LMBRD2: variants seen among roughly 807,000 people sequenced by gnomAD.
The protein encoded by LMBRD2 is LMBR1 domain containing 2, also known as G protein-coupled receptor-associated protein LMBRD2.
In LMBRD2, 55 loss-of-function variants were observed where a neutral mutation model predicts 94.4. That is an observed-to-expected ratio of 0.58 (90% CI 0.47 to 0.73). The LOEUF (loss-of-function observed/expected upper bound fraction) is 0.73. Ranked by LOEUF, LMBRD2 falls within the 30% of genes least tolerant of loss-of-function variation. The pLI is 0.00. For synonymous variants in LMBRD2, 246 were observed against 272.4 expected (o/e 0.90, Z 0.95); for missense variants, 640 against 831.9 (o/e 0.77, Z 2.84).
Position 36,122,869 on chromosome 5 carries a change from A to G in LMBRD2, c.915T>C (p.Ser305=), listed in dbSNP as rs1477180996. ...EKHSIYPSEK[S]LVKLHKQVIY... is the part of the protein sequence containing the mutation. ...TTACCTGTTTATGCAGTTTTACCAGACTTTTTTCACTTGGATAGATACTAT... is the reference window on the plus strand; with the variant it reads ...TTACCTGTTTATGCAGTTTTACCAGGCTTTTTTCACTTGGATAGATACTAT... The change falls in exon 8 of 18, where the codon AGT becomes AGC. Residue 305 remains serine, a synonymous_variant. Transcript: ENST00000296603. The G allele has an allele frequency of 1.3e-6, 2 of 1,595,044 alleles. No homozygotes were observed. Among genetic ancestry groups the G allele is most frequent in the East Asian group, 4.6e-5 (2 of 43,954 alleles).
At chr5:36,115,185 C>T (rs1009139562) in intron 11 of LMBRD2, 65 bp from the exon 12 acceptor site, 12 of 905,704 alleles carry the variant, frequency 1.3e-5, no homozygotes, top group Non-Finnish European at 1.9e-5. Flanking sequence ...TTATAGTATA[C>T]TGAGATGTAT....
Position 36,122,471 on chromosome 5 carries a change from A to G in LMBRD2, c.937-8T>C. On this transcript the variant is annotated splice_region_variant and splice_polypyrimidine_tract_variant and intron_variant, in intron 8 of 17. Coordinates refer to ENST00000296603, the MANE Select transcript of LMBRD2 (RefSeq NM_001007527.2). Reference sequence around the variant, plus strand: ...CTGAACTGAATAAATCACCTAAAAAAGAGAATGGGGGTAGACCTGGCAGTG... The same window carrying G: ...CTGAACTGAATAAATCACCTAAAAAGGAGAATGGGGGTAGACCTGGCAGTG... The G allele has an allele frequency of 6.2e-7, 1 of 1,609,340 alleles. No homozygotes were observed. Among genetic ancestry groups the G allele is most frequent in the South Asian group, 1.1e-5 (1 of 90,168 alleles).
Position 36,143,064 on chromosome 5 carries a change from T to G in LMBRD2, c.174+112A>C. On this transcript the variant is annotated intron_variant, in intron 2 of 17. Coordinates refer to ENST00000296603, the MANE Select transcript of LMBRD2 (RefSeq NM_001007527.2). ...TTAATGATCAAATGGCCATATAATC[T>G]TTTAATTCAAAACTGACATAACTTA... The G allele has an allele frequency of 3.7e-6, 3 of 807,390 alleles. No individual in the cohort carries two copies. The South Asian group carries it at 5.8e-5, about 16-fold the overall frequency. The allele number at this position is 807,390 out of a possible 1,614,324, so 50.0% of individuals were successfully genotyped here.
intron 12 of LMBRD2, 121 bp from the exon 13 acceptor site, chr5:36,114,642 GA>G: frequency 3.3e-6 from 4 of 1,211,068 alleles, no homozygotes; most frequent in South Asian, 2.9e-5. Flanking sequence ...TTAAAAAGTA[GA>G]AAAAAAGCAG....
chr5:36,148,043 G>A, intron 1 of LMBRD2: 3 of 182,558 alleles, frequency 1.6e-5, no homozygotes, highest in Non-Finnish European at 3.9e-5. Context: ...ATAAAAACCA[G>A]GAGACAACTC....
At chr5:36,150,708 C>G (rs1177413446) in intron 1 of LMBRD2, among the ~76,000 whole-genome samples, 1 of 152,188 alleles carries the variant, frequency 6.6e-6, no homozygotes, top group Admixed American at 6.5e-5. Context: ...GCACCTAGTT[C>G]CAATCAAAAC....
chr5:36,128,757 C>T (rs1201251764), intron 6 of LMBRD2, among the ~76,000 whole-genome samples: 1 of 152,110 alleles, frequency 6.6e-6, no homozygotes, highest in African/African-American at 2.4e-5. Flanking sequence ...AACAAGGCAC[C>T]AGGGACCAAT....
chr5:36,148,076 A>G (rs1744594588), intron 1 of LMBRD2: 1 of 205,930 alleles, frequency 4.9e-6, no homozygotes, highest in African/African-American at 2.4e-5. Flanking sequence ...ATGAAAAATC[A>G]AAAGAACCAG....
At chr5:36,118,383 C>A (rs1156872115) in intron 9 of LMBRD2, among the ~76,000 whole-genome samples, 1 of 151,976 alleles carries the variant, frequency 6.6e-6, no homozygotes, top group East Asian at 1.9e-4. Context: ...ATAATTATAG[C>A]AAAATCTGAA....
chr5:36,135,400 A>G (rs1744248120), intron 6 of LMBRD2, among the ~76,000 whole-genome samples: 2 of 152,234 alleles, frequency 1.3e-5, no homozygotes, highest in East Asian at 1.9e-4. Flanking sequence ...TTGAGGAACG[A>G]AAGTTGAGTG....
At chr5:36,131,795 A>G (rs1345020419) in intron 6 of LMBRD2, among the ~76,000 whole-genome samples, 5 of 152,174 alleles carry the variant, frequency 3.3e-5, no homozygotes, top group Non-Finnish European at 7.4e-5. Context: ...AAACTATAAA[A>G]CACTGATGCA....
chr5:36,136,348 C>G lies in LMBRD2; in HGVS notation c.708G>C (p.Glu236Asp). ...TYFKAAKLMT[E>D]KADAEENLED... ...CCAAATTCTCTTCTGCATCTGCTTT[C>G]TCTGTCATCAGTTTGGCTGCCTTAA... The change falls in exon 6 of 18, where the codon GAG becomes GAC. Residue 236 changes from glutamate to aspartate, a missense_variant. By Grantham distance (45) the Glu-to-Asp change is conservative. Around this residue, in one of 2 missense-constraint regions of LMBRD2, gnomAD observed 457 missense variants for 642.8 expected, o/e 0.71. Transcript: ENST00000296603. The G allele has an allele frequency of 6.2e-7, 1 of 1,614,088 alleles. No individual in the cohort carries two copies. The highest frequency in any genetic ancestry group is 8.5e-7 in the Non-Finnish European group (1 of 1,179,930).
chr5:36,117,998 TA>T, intron 9 of LMBRD2, 82 bp from the exon 10 acceptor site: 1 of 1,051,112 alleles, frequency 9.5e-7, no homozygotes, highest in Non-Finnish European at 1.4e-6. Flanking sequence ...TAGCTCCTAA[TA>T]AGATACTTAA....
rs1338157592 is a variant in LMBRD2, at chr5:36,108,596, C to T, written c.1835G>A (p.Arg612Lys). 2 of 1,593,500 alleles carry T rather than the reference C, an allele frequency of 1.3e-6. No individual in the cohort carries two copies. Among genetic ancestry groups the T allele is most frequent in the Non-Finnish European group, 1.7e-6 (2 of 1,166,160 alleles). ...RYGHNREDST[R>K]NRNIHTDPKE... Reference sequence around the variant, plus strand: ...GGGGTCAGTATGAATATTTCTGTTCCTAGTGGAATCTTCTCTATTGTGTCC... The same window carrying T: ...GGGGTCAGTATGAATATTTCTGTTCTTAGTGGAATCTTCTCTATTGTGTCC... The change falls in exon 16 of 18, where the codon AGG (arginine) becomes AAG (lysine). Residue 612 changes from arginine (R) to lysine (K), a missense_variant. By Grantham distance (26) the Arg-to-Lys change is conservative. Transcript: ENST00000296603.
chr5:36,138,497 C>T (rs1744325733), intron 4 of LMBRD2, among the ~76,000 whole-genome samples: 1 of 152,128 alleles, frequency 6.6e-6, no homozygotes, highest in African/African-American at 2.4e-5. Context: ...CATAAACAGG[C>T]AAAAACTAAT....
At chr5:36,115,726 A>G (rs1224439224) in intron 11 of LMBRD2, among the ~76,000 whole-genome samples, 2 of 152,160 alleles carry the variant, frequency 1.3e-5, no homozygotes, top group Admixed American at 1.3e-4. Flanking sequence ...ACACACACAC[A>G]CACACACACG....
rs1743291205 is a variant in LMBRD2 at position 36,098,657 on chromosome 5, T to C, written c.*5389A>G. The C allele has an allele frequency of 6.6e-6, 1 of 152,032 alleles. No individual in the cohort carries two copies. The highest frequency in any genetic ancestry group is 1.5e-5 in the Non-Finnish European group (1 of 67,934). The allele number at this position is 152,032 out of a possible 1,614,324, so 9.4% of individuals were successfully genotyped here. On this transcript the variant is annotated 3_prime_UTR_variant, in exon 18 of 18. Coordinates refer to ENST00000296603, the MANE Select transcript of LMBRD2 (RefSeq NM_001007527.2). ...TTTCAAAAAATTCATTACATCACAA[T>C]AAGTTAAAATACTACAAAGGAACTG...
At chr5:36,150,176 C>T (rs1744656998) in intron 1 of LMBRD2, among the ~76,000 whole-genome samples, 1 of 152,184 alleles carries the variant, frequency 6.6e-6, no homozygotes, top group Non-Finnish European at 1.5e-5. Flanking sequence ...AACTATCAAA[C>T]TGAATTTCAA....
At chr5:36,123,978 T>C (rs180921816) in intron 7 of LMBRD2, among the ~76,000 whole-genome samples, 2 of 152,004 alleles carry the variant, frequency 1.3e-5, no homozygotes, top group Admixed American at 1.3e-4. Flanking sequence ...AACCTCTATC[T>C]CCATATTTCA....
Sources: gnomAD v4.1 joint callset for allele counts (sites outside exome capture counted in the v4.1 genomes callset) on GRCh38, gnomAD v4.1.1 for gene constraint, gnomAD v4.1.1 regional missense constraint, MANE v1.5 for transcripts, NCBI Gene and HGNC (gene_info 2026-07-23, HGNC 2026-07-21) for gene names.